GABBR2: variants seen among roughly 807,000 people sequenced by gnomAD.
GABBR2 encodes gamma-aminobutyric acid type B receptor subunit 2.
Under a neutral mutation model 105.6 loss-of-function variants are expected in GABBR2, and 23 were observed. The ratio of observed to expected loss-of-function variants is 0.22; its 90% CI spans 0.16 to 0.31. The LOEUF (loss-of-function observed/expected upper bound fraction) is 0.31, where lower values mean the gene tolerates loss of function less well. GABBR2 is among the 10% of genes least tolerant of loss of function. The pLI is 1.00. For missense variants in GABBR2, 734 were observed against 1,245.5 expected, an observed-to-expected ratio of 0.59 and a Z score of 6.18; for synonymous variants, 478 against 499.7, an observed-to-expected ratio of 0.96 and a Z score of 0.58.
At chr9:98,548,557 A>G (rs1167905800) in intron 2 of GABBR2, among the ~76,000 whole-genome samples, 2 of 115,912 alleles carry the variant, frequency 1.7e-5, no homozygotes, top group Non-Finnish European at 3.8e-5. Flanking sequence ...TTTTCCCCCT[A>G]GGAATGTATA....
intron 8 of GABBR2, among the ~76,000 whole-genome samples, chr9:98,404,975 C>T (rs541184415): frequency 5.3e-5 from 8 of 152,042 alleles, no homozygotes; most frequent in East Asian, 1.9e-4. Context: ...GGAAATTAAA[C>T]GATATTAAGA....
In GABBR2 at chr9:98,320,232, C is replaced by G. The variant is rs531074495; in HGVS notation, c.1894-9027G>C. ...GCCAAAAAACACATGAAAAAATGCTCACCATCACTGGCCATCAGAGAAATG... is the reference window on the plus strand; with the variant it reads ...GCCAAAAAACACATGAAAAAATGCTGACCATCACTGGCCATCAGAGAAATG... On this transcript the variant is annotated intron_variant, in intron 13 of 18. Coordinates refer to ENST00000259455, the MANE Select transcript of GABBR2 (RefSeq NM_005458.8). 2.5e-4 allele frequency among the ~76,000 whole-genome samples: 38 copies of G among 151,986 alleles called. No homozygotes were observed. In the East Asian group the frequency reaches 7.2e-3, roughly 29 times the overall value.
chr9:98,708,299 T>G (rs1830928431), intron 1 of GABBR2, 118 bp downstream of exon 1: 1 of 1,072,436 alleles, frequency 9.3e-7, no homozygotes. Flanking sequence ...CTCTCTGCCC[T>G]CGGCAGGCGC....
chr9:98,516,641 C>T (rs1040418833), intron 3 of GABBR2, among the ~76,000 whole-genome samples: 5 of 152,284 alleles, frequency 3.3e-5, no homozygotes, highest in Admixed American at 6.5e-5. Context: ...GCTGCTCCCA[C>T]GCAGTACCCA....
intron 13 of GABBR2, among the ~76,000 whole-genome samples, chr9:98,357,140 T>C (rs559688071): frequency 6.8e-4 from 103 of 152,296 alleles, no homozygotes; most frequent in African/African-American, 2.4e-3. Context: ...TGAACCCTAA[T>C]GTAAACTATG....
intron 7 of GABBR2, among the ~76,000 whole-genome samples, chr9:98,452,184 C>A (rs1281072310): frequency 6.6e-6 from 1 of 152,244 alleles, no homozygotes; most frequent in African/African-American, 2.4e-5. Context: ...ATATAAGCCT[C>A]AGCACAGGCA....
At chr9:98,419,730 C>T (rs1197527906) in intron 7 of GABBR2, among the ~76,000 whole-genome samples, 2 of 152,120 alleles carry the variant, frequency 1.3e-5, no homozygotes. Context: ...CCTCAGAAGG[C>T]CTTGTCAGAG....
At chr9:98,490,689 G>A (rs945454473) in intron 4 of GABBR2, among the ~76,000 whole-genome samples, 3 of 152,084 alleles carry the variant, frequency 2.0e-5, no homozygotes, top group Non-Finnish European at 4.4e-5. Context: ...ATGAATATAG[G>A]GCAGAAGGCC....
chr9:98,374,669 G>A (rs747608229), intron 11 of GABBR2, among the ~76,000 whole-genome samples: 20 of 152,196 alleles, frequency 1.3e-4, no homozygotes, highest in South Asian at 8.3e-4. Context: ...TCCCTAGGCA[G>A]CATTTCACAC....
chr9:98,621,298 A>G (rs1829667569), intron 1 of GABBR2, among the ~76,000 whole-genome samples: 2 of 152,170 alleles, frequency 1.3e-5, no homozygotes, highest in Admixed American at 6.5e-5. Context: ...CAGGGGCACC[A>G]CTGCCATCCC....
At chr9:98,702,041 C>G (rs1830835080) in intron 1 of GABBR2, among the ~76,000 whole-genome samples, 1 of 152,108 alleles carries the variant, frequency 6.6e-6, no homozygotes, top group African/African-American at 2.4e-5. Flanking sequence ...CCTGATAAGG[C>G]AGTTAGTGTA....
Position 98,299,402 on chromosome 9 carries a change from C to A in GABBR2, c.2413-49G>T, listed in dbSNP as rs1830433714. 4 of 1,610,554 alleles carry A rather than the reference C, an allele frequency of 2.5e-6. No homozygotes were observed. The African/African-American group carries it at 4.0e-5, about 16-fold the overall frequency. On this transcript the variant is annotated intron_variant, in intron 16 of 18. Transcript: ENST00000259455. ...AGTCAGGTCCCTGGCCCAGCCCTGG[C>A]AGCTAGGCCACTAGGGCCAAAAGGT... is the stretch of plus-strand genomic sequence containing the variant.
intron 6 of GABBR2, among the ~76,000 whole-genome samples, chr9:98,455,977 A>G (rs778648888): frequency 4.6e-5 from 7 of 152,018 alleles, no homozygotes; most frequent in Non-Finnish European, 7.4e-5. Context: ...TCTAGCTACC[A>G]CCACTCTGCT....
intron 1 of GABBR2, among the ~76,000 whole-genome samples, chr9:98,701,711 A>T (rs913925842): frequency 6.6e-6 from 1 of 152,154 alleles, no homozygotes; most frequent in South Asian, 2.1e-4. Flanking sequence ...TACCGGCAGA[A>T]GGAAAGACAC....
At chr9:98,518,412 T>C (rs1461774907) in intron 3 of GABBR2, among the ~76,000 whole-genome samples, 1 of 152,232 alleles carries the variant, frequency 6.6e-6, no homozygotes. Context: ...GTAATTCATT[T>C]CACCACTGAC....
At chr9:98,626,915 G>A (rs1043610705) in intron 1 of GABBR2, among the ~76,000 whole-genome samples, 1 of 152,178 alleles carries the variant, frequency 6.6e-6, no homozygotes, top group African/African-American at 2.4e-5. Flanking sequence ...ACAAGGAAGT[G>A]ATTTCTAAGA....
At chr9:98,397,968 C>T (rs189158503) in intron 8 of GABBR2, among the ~76,000 whole-genome samples, 3 of 152,318 alleles carry the variant, frequency 2.0e-5, no homozygotes, top group East Asian at 3.9e-4. Flanking sequence ...TTCTTGCATT[C>T]ACCCACAGTC....
At chr9:98,489,576 A>G (rs1323819135) in intron 4 of GABBR2, among the ~76,000 whole-genome samples, 1 of 152,176 alleles carries the variant, frequency 6.6e-6, no homozygotes, top group Non-Finnish European at 1.5e-5. Context: ...TTTCCCTGAA[A>G]TTCTCTAATT....
chr9:98,362,307 T>C (rs1476029442), intron 13 of GABBR2, among the ~76,000 whole-genome samples: 1 of 152,254 alleles, frequency 6.6e-6, no homozygotes, highest in Non-Finnish European at 1.5e-5. Context: ...AAAAGAAATA[T>C]ATTGCCCATC....
Sources: gnomAD v4.1 joint callset for allele counts (sites outside exome capture counted in the v4.1 genomes callset) on GRCh38, gnomAD v4.1.1 for gene constraint, MANE v1.5 for transcripts, NCBI Gene and HGNC (gene_info 2026-07-23, HGNC 2026-07-21) for gene names.